Variants in CALCOCO1 observed in about 807,000 individuals in gnomAD.
CALCOCO1 encodes calcium-binding and coiled-coil domain-containing protein 1.
In CALCOCO1, 44 loss-of-function variants were observed where a neutral mutation model predicts 86.3. That is an observed-to-expected ratio of 0.51 (90% CI 0.40 to 0.66). CALCOCO1 has a LOEUF of 0.66. Among genes scored for constraint, CALCOCO1 ranks in the 30% least tolerant of loss-of-function variants. The pLI is 0.00. For synonymous variants in CALCOCO1, 297 were observed against 327.6 expected, an observed-to-expected ratio of 0.91 and a Z score of 1.01; for missense variants, 708 against 851.1, an observed-to-expected ratio of 0.83 and a Z score of 2.09.
rs992492304 is a variant in CALCOCO1 at position 53,709,140 on chromosome 12, C to T, written c.*2804G>A. On this transcript the variant is annotated 3_prime_UTR_variant, in exon 15 of 15. Transcript: ENST00000550804. ...GACATCTCCTTTCACATTAGAGTCT[C>T]AAGCCCATTCAGATCTATCGGCTTT... The T allele has an allele frequency of 7.2e-5, 11 of 152,210 alleles. No homozygotes were observed. The highest frequency in any genetic ancestry group is 2.7e-4 in the African/African-American group (11 of 41,454). 9.4% of individuals were successfully genotyped at this position (152,210 alleles called of 1,614,324 possible).
At position 53,719,800 on chromosome 12, in the gene CALCOCO1, C is replaced by A. The variant is rs373441541; in HGVS notation, c.788G>T (p.Arg263Leu). The A allele has an allele frequency of 1.2e-6, 2 of 1,613,616 alleles. No individual in the cohort carries two copies. Among genetic ancestry groups the A allele is most frequent in the African/African-American group, 2.7e-5 (2 of 74,870 alleles). ...RLRDTVKALT[R>L]EQEKLLGQLK... ...TTGCCCAAGGAGCTTCTCTTGTTCC[C>A]GAGTCAGGGCCTTCACTGTGTCTCT... is the stretch of plus-strand genomic sequence containing the variant. The change falls in exon 7 of 15, where the codon CGG (arginine) becomes CTG (leucine). Residue 263 changes from arginine to leucine, a missense_variant. Coordinates refer to ENST00000550804, the MANE Select transcript of CALCOCO1 (RefSeq NM_020898.3).
chr12:53,712,331 G>T, intron 14 of CALCOCO1: 1 of 544,698 alleles, frequency 1.8e-6, no homozygotes, highest in Non-Finnish European at 3.2e-6. Context: ...TTTAGTCCCT[G>T]CTGGTCTCTG....
At position 53,719,743 on chromosome 12, in the gene CALCOCO1, C is replaced by T; in HGVS notation, c.845G>A (p.Ser282Asn). 6.2e-7 allele frequency: 1 copy of T among 1,612,874 alleles called. No homozygotes were observed. Among genetic ancestry groups the T allele is most frequent in the South Asian group, 1.1e-5 (1 of 91,030 alleles). The change falls in exon 7 of 15, where the codon AGT becomes AAT. Residue 282 changes from serine to asparagine, a missense_variant. Transcript: ENST00000550804. ...AATCAACTCTGAGCCCCTTACCTCA[C>T]TTTGCTCCTTGTCTGCTTGTACTTC... is the stretch of plus-strand genomic sequence containing the variant. ...LKEVQADKEQ[S>N]EAELQVAQQE...
chr12:53,721,357 AAG>A, intron 6 of CALCOCO1, 108 bp downstream of exon 6: 1 of 979,200 alleles, frequency 1.0e-6, no homozygotes, highest in Non-Finnish European at 1.5e-6. Flanking sequence ...GTGAGAGGGA[AAG>A]AGAAAGCGTG....
intron 8 of CALCOCO1, 38 bp downstream of exon 8, chr12:53,716,222 G>T (rs781764075): frequency 6.2e-7 from 1 of 1,610,370 alleles, no homozygotes; most frequent in Admixed American, 1.7e-5. Flanking sequence ...CTTGCCCTTG[G>T]AATTTCCCGT....
In CALCOCO1 at chr12:53,723,761, T is replaced by A; in HGVS notation, c.282A>T (p.Gly94=). ...QFQASYLPKP[G]AQLYQFRYVN... ...CATATCGGAACTGGTAGAGCTGAGCTCCTGGTTTGGGCAGGTAGCTGGCTG... is the reference window on the plus strand; with the variant it reads ...CATATCGGAACTGGTAGAGCTGAGCACCTGGTTTGGGCAGGTAGCTGGCTG... The change falls in exon 4 of 15, where the codon GGA becomes GGT. Residue 94 remains glycine (G), a synonymous_variant. Coordinates refer to ENST00000550804, the MANE Select transcript of CALCOCO1 (RefSeq NM_020898.3). 6.2e-7 allele frequency: 1 copy of A among 1,613,558 alleles called. No individual in the cohort carries two copies. Among genetic ancestry groups the A allele is most frequent in the Non-Finnish European group, 8.5e-7 (1 of 1,179,558 alleles).
rs1195582718 is a variant in CALCOCO1, at chr12:53,714,661, T to C, written c.1419A>G (p.Thr473=). 3 of 1,613,818 alleles carry C rather than the reference T, an allele frequency of 1.9e-6. No homozygotes were observed. Among genetic ancestry groups the C allele is most frequent in the East Asian group, 2.2e-5 (1 of 44,890 alleles). Residue 473 remains threonine (T), a synonymous_variant, in exon 11 of 15, where the codon ACA becomes ACG. Coordinates refer to ENST00000550804, the MANE Select transcript of CALCOCO1 (RefSeq NM_020898.3). ...VQLSESKREL[T]ELRSALRVLQ... is the part of the protein sequence containing the mutation. ...GCACACGCAGGGCTGACCGCAGCTCTGTCAGCTCCCGCTTACTTTCTGACA... is the reference window on the plus strand; with the variant it reads ...GCACACGCAGGGCTGACCGCAGCTCCGTCAGCTCCCGCTTACTTTCTGACA...
chr12:53,720,917 A>G (rs552744773), intron 6 of CALCOCO1, among the ~76,000 whole-genome samples: 1 of 152,214 alleles, frequency 6.6e-6, no homozygotes, highest in Non-Finnish European at 1.5e-5. Context: ...AGTTTGGCTC[A>G]ATACAAGAGA....
Position 53,711,247 on chromosome 12 carries a change from C to A in CALCOCO1, c.*697G>T. 2.5e-6 allele frequency: 1 copy of A among 398,902 alleles called. No individual in the cohort carries two copies. Among genetic ancestry groups the A allele is most frequent in the Non-Finnish European group, 4.4e-6 (1 of 226,020 alleles). The allele number at this position is 398,902 out of a possible 1,614,324, so 24.7% of individuals were successfully genotyped here. On this transcript the variant is annotated 3_prime_UTR_variant, in exon 15 of 15. Coordinates refer to ENST00000550804, the MANE Select transcript of CALCOCO1 (RefSeq NM_020898.3). ...TGGGGATACCTGGGACCACTTGTTCCCCCCATTCCTCACAGAAGGCACAAA... is the reference window on the plus strand; with the variant it reads ...TGGGGATACCTGGGACCACTTGTTCACCCCATTCCTCACAGAAGGCACAAA...
At position 53,711,462 on chromosome 12, in the gene CALCOCO1, C is replaced by T. The variant is rs1945547982; in HGVS notation, c.*482G>A. The T allele has an allele frequency of 2.7e-6, 1 of 367,086 alleles. No individual in the cohort carries two copies. The highest frequency in any genetic ancestry group is 4.8e-6 in the Non-Finnish European group (1 of 207,052). The allele number at this position is 367,086 out of a possible 1,614,324, so 22.7% of individuals were successfully genotyped here. On this transcript the variant is annotated 3_prime_UTR_variant, in exon 15 of 15. Coordinates refer to ENST00000550804, the MANE Select transcript of CALCOCO1 (RefSeq NM_020898.3). ...GAGAACCAAAAGGGACCTGAGAGGC[C>T]ATGATGTCCATGCTGCTGCCTCTGT...
intron 4 of CALCOCO1, among the ~76,000 whole-genome samples, chr12:53,723,165 A>G (rs1945926284): frequency 1.3e-5 from 2 of 152,174 alleles, no homozygotes; most frequent in Admixed American, 1.3e-4. Flanking sequence ...AGAGCCATAT[A>G]TAGTTAAGAG....
At chr12:53,717,787 G>A (rs1243472226) in intron 7 of CALCOCO1, among the ~76,000 whole-genome samples, 1 of 152,226 alleles carries the variant, frequency 6.6e-6, no homozygotes, top group African/African-American at 2.4e-5. Context: ...GATTTGGGAG[G>A]CCGAGGTGGG....
chr12:53,724,774 G>T, intron 2 of CALCOCO1, 27 bp from the exon 3 acceptor site: 1 of 1,570,148 alleles, frequency 6.4e-7, no homozygotes. Context: ...TTGGAGAAAG[G>T]TATGGTCATG....
intron 1 of CALCOCO1, among the ~76,000 whole-genome samples, chr12:53,727,197 G>A (rs1326190646): frequency 6.6e-6 from 1 of 152,122 alleles, no homozygotes; most frequent in Non-Finnish European, 1.5e-5. Context: ...GACGACGAGG[G>A]GGCGCCCCCC....
At chr12:53,727,171 T>C (rs1454360301) in intron 1 of CALCOCO1, among the ~76,000 whole-genome samples, 1 of 152,014 alleles carries the variant, frequency 6.6e-6, no homozygotes, top group African/African-American at 2.4e-5. Context: ...TAGAGACGCA[T>C]TGAGAAGAAG....
chr12:53,719,616 T>C (rs960880811), intron 7 of CALCOCO1, 123 bp downstream of exon 7: 14 of 674,892 alleles, frequency 2.1e-5, no homozygotes, highest in Non-Finnish European at 3.7e-5. Flanking sequence ...ATGTCTTATG[T>C]TCCCTAGTAG....
At chr12:53,724,216 C>A in intron 3 of CALCOCO1, 1 of 430,356 alleles carries the variant, frequency 2.3e-6, no homozygotes, top group Non-Finnish European at 4.5e-6. Context: ...ATTTTAAATC[C>A]TCGTAATGTC....
chr12:53,725,404 C>T (rs1036915175), intron 1 of CALCOCO1, 138 bp from the exon 2 acceptor site: 29 of 578,244 alleles, frequency 5.0e-5, no homozygotes, highest in East Asian at 9.7e-5. Context: ...CTGAGGGTTA[C>T]GGGACATTTT....
chr12:53,716,389 C>T lies in CALCOCO1; in HGVS notation c.876G>A (p.Glu292=), dbSNP rs1379891920. ...TCAGGTCCAAATTTAAGTGATGGTT[C>T]TCCTGTTGTGCCACTTGGAGCTCAG... ...SEAELQVAQQ[E]NHHLNLDLKE... is the part of the protein sequence containing the mutation. The change falls in exon 8 of 15, where the codon GAG becomes GAA. Residue 292 remains glutamate (E), a synonymous_variant. Coordinates refer to ENST00000550804, the MANE Select transcript of CALCOCO1 (RefSeq NM_020898.3). 1 of 1,614,182 alleles carries T rather than the reference C, an allele frequency of 6.2e-7. No homozygotes were observed. The highest frequency in any genetic ancestry group is 8.5e-7 in the Non-Finnish European group (1 of 1,180,042).
Sources: allele counts gnomAD v4.1 joint callset (sites outside exome capture counted in the v4.1 genomes callset), GRCh38; gene constraint gnomAD v4.1.1; transcripts MANE v1.5; gene names NCBI Gene and HGNC (gene_info 2026-07-23, HGNC 2026-07-21).